The following ADGRL3 variants were observed in gnomAD, a reference collection of about 807,000 sequenced individuals.
ADGRL3 encodes the protein calcium-independent alpha-latrotoxin receptor 3.
In ADGRL3, 62 loss-of-function variants were observed where a neutral mutation model predicts 153.5. That is an observed-to-expected ratio of 0.40 (90% CI 0.33 to 0.50). The LOEUF is 0.50. Among genes scored for constraint, ADGRL3 ranks in the 20% least tolerant of loss-of-function variants. ADGRL3 has a pLI of 0.47. For missense variants in ADGRL3, 1,641 were observed against 1,859.4 expected (o/e 0.88, Z 2.16); for synonymous variants, 710 against 672.5 (o/e 1.06, Z -0.86).
intron 2 of ADGRL3, among the ~76,000 whole-genome samples, chr4:61,491,995 G>A (rs1233178538): frequency 5.4e-5 from 8 of 149,166 alleles, no homozygotes; most frequent in Non-Finnish European, 1.0e-4. Context: ...TCATAGCTAT[G>A]ATTTCCCTCT....
At chr4:61,794,087 C>T (rs2097376514) in intron 8 of ADGRL3, among the ~76,000 whole-genome samples, 1 of 152,186 alleles carries the variant, frequency 6.6e-6, no homozygotes, top group South Asian at 2.1e-4. Context: ...TAACTTTGCA[C>T]AGACATAGTC....
At chr4:61,229,142 G>A (rs928687872) in intron 1 of ADGRL3, among the ~76,000 whole-genome samples, 1 of 152,166 alleles carries the variant, frequency 6.6e-6, no homozygotes, top group African/African-American at 2.4e-5. Context: ...TATAGGCTGA[G>A]GCTTTGATTA....
intron 9 of ADGRL3, among the ~76,000 whole-genome samples, chr4:61,840,883 G>C (rs1211946561): frequency 6.6e-6 from 1 of 152,114 alleles, no homozygotes; most frequent in East Asian, 1.9e-4. Flanking sequence ...GTTTTTGTTT[G>C]CTTGGTTTTG....
chr4:61,649,639 TG>T (rs2094174308), intron 5 of ADGRL3, among the ~76,000 whole-genome samples: 1 of 152,172 alleles, frequency 6.6e-6, no homozygotes, highest in Admixed American at 6.5e-5. Flanking sequence ...ATTTAATAAT[TG>T]GATGTCTTAT....
chr4:61,899,325 A>C (rs2098650524), intron 11 of ADGRL3, among the ~76,000 whole-genome samples: 1 of 150,878 alleles, frequency 6.6e-6, no homozygotes, highest in African/African-American at 2.4e-5. Context: ...CTGATCTCCT[A>C]CCTCTTTCCA....
chr4:62,002,088 C>A (rs1313328536), intron 21 of ADGRL3, among the ~76,000 whole-genome samples: 1 of 151,896 alleles, frequency 6.6e-6, no homozygotes, highest in Admixed American at 6.6e-5. Flanking sequence ...CAGTGGTCTC[C>A]TAACTTCTCT....
At chr4:61,785,106 A>T (rs1351663869) in intron 8 of ADGRL3, among the ~76,000 whole-genome samples, 4 of 152,076 alleles carry the variant, frequency 2.6e-5, no homozygotes, top group Non-Finnish European at 4.4e-5. Context: ...AGGTGGCTAG[A>T]TAGGGGATAA....
At chr4:61,625,027 C>T (rs1237687719) in intron 5 of ADGRL3, among the ~76,000 whole-genome samples, 1 of 151,620 alleles carries the variant, frequency 6.6e-6, no homozygotes, top group Admixed American at 6.6e-5. Flanking sequence ...TGAAAAATTG[C>T]CTAGATAATG....
At chr4:61,246,899 T>C (rs987863704) in intron 1 of ADGRL3, among the ~76,000 whole-genome samples, 3 of 151,986 alleles carry the variant, frequency 2.0e-5, no homozygotes, top group African/African-American at 7.2e-5. Context: ...CTAGGATTAC[T>C]GATTGTGTGG....
chr4:61,528,076 G>A (rs913076316), intron 4 of ADGRL3, among the ~76,000 whole-genome samples: 3 of 152,050 alleles, frequency 2.0e-5, no homozygotes, highest in African/African-American at 7.2e-5. Context: ...CCACAATGCC[G>A]GCTGTCCAAT....
At chr4:61,629,215 C>A (rs550479120) in intron 5 of ADGRL3, among the ~76,000 whole-genome samples, 1 of 152,154 alleles carries the variant, frequency 6.6e-6, no homozygotes, top group East Asian at 1.9e-4. Context: ...GGAACATTTG[C>A]AAATAATTGA....
chr4:61,273,859 T>C (rs2149834479), intron 1 of ADGRL3, among the ~76,000 whole-genome samples: 1 of 152,282 alleles, frequency 6.6e-6, no homozygotes, highest in East Asian at 1.9e-4. Flanking sequence ...TAAAGATATT[T>C]CTTCCCACAA....
intron 1 of ADGRL3, among the ~76,000 whole-genome samples, chr4:61,207,591 A>C (rs947374855): frequency 6.6e-6 from 1 of 152,148 alleles, no homozygotes; most frequent in Non-Finnish European, 1.5e-5. Context: ...GTCAAATGGT[A>C]CTGCTAGTTG....
chr4:61,667,129 A>C (rs17090522), intron 5 of ADGRL3, among the ~76,000 whole-genome samples: 2,629 of 152,238 alleles, frequency 0.017, 83 homozygotes, highest in African/African-American at 0.06. Context: ...GGCTCTGTGA[A>C]ATATTCTATG....
Position 62,076,901 on chromosome 4 carries a change from A to G in ADGRL3, c.*5993A>G, listed in dbSNP as rs528913035. On this transcript the variant is annotated 3_prime_UTR_variant, in exon 27 of 27. Transcript: ENST00000683033. ...CTAATACATATGAAATTAATATTAT[A>G]TTAGAATTATGTACATTATACAAAA... 1.2e-3 allele frequency: 176 copies of G among 151,664 alleles called. No individual in the cohort carries two copies. Among genetic ancestry groups the G allele is most frequent in the African/African-American group, 4.1e-3 (171 of 41,494 alleles). 9.4% of individuals were successfully genotyped at this position (151,664 alleles called of 1,614,324 possible). A position where few individuals can be genotyped will look rare whatever the true frequency, so the allele number is the denominator to read the frequency against.
At chr4:61,430,865 A>T (rs1560619899) in intron 2 of ADGRL3, among the ~76,000 whole-genome samples, 1 of 152,180 alleles carries the variant, frequency 6.6e-6, no homozygotes, top group African/African-American at 2.4e-5. Context: ...TTTGGTATTA[A>T]GGATAGTAGA....
intron 1 of ADGRL3, among the ~76,000 whole-genome samples, chr4:61,206,054 A>T (rs1406170652): frequency 6.6e-6 from 1 of 152,088 alleles, no homozygotes; most frequent in African/African-American, 2.4e-5. Context: ...AATTAATTGA[A>T]CTTCTTTATT....
chr4:61,823,472 C>T (rs563377239), intron 9 of ADGRL3, among the ~76,000 whole-genome samples: 2 of 152,078 alleles, frequency 1.3e-5, no homozygotes, highest in Non-Finnish European at 2.9e-5. Flanking sequence ...ATAGATATCA[C>T]CTTTTTGAGT....
Position 62,027,958 on chromosome 4 carries a change from A to G in ADGRL3, c.3396-897A>G, listed in dbSNP as rs543327782. ...TTCAAATACCATTCTTTATTATTTC[A>G]TCATTCTGGAGAGTGAGTTTTCATC... is the stretch of plus-strand genomic sequence containing the variant. On this transcript the variant is annotated intron_variant, in intron 21 of 26. Coordinates refer to ENST00000683033, the MANE Select transcript of ADGRL3 (RefSeq NM_001387552.1). Among the ~76,000 whole-genome samples, 3 of 151,970 alleles carry G rather than the reference A, an allele frequency of 2.0e-5. No individual in the cohort carries two copies. The South Asian group carries it at 6.2e-4, about 31-fold the overall frequency.
Sources: allele counts gnomAD v4.1 joint callset (sites outside exome capture counted in the v4.1 genomes callset), GRCh38; gene constraint gnomAD v4.1.1; transcripts MANE v1.5; gene names NCBI Gene and HGNC (gene_info 2026-07-23, HGNC 2026-07-21).